ZNF624: variants seen among roughly 807,000 people sequenced by gnomAD.
ZNF624 encodes the protein zinc finger protein 624.
ZNF624 carries 43 observed loss-of-function variants against 74.7 expected under a neutral mutation model. The ratio of observed to expected loss-of-function variants is 0.58; its 90% CI spans 0.45 to 0.74. The LOEUF is 0.74. ZNF624 is among the 30% of genes least tolerant of loss of function. ZNF624 has a pLI of 0.00. For synonymous variants in ZNF624, 331 were observed against 341.3 expected (o/e 0.97, Z 0.33); for missense variants, 820 against 1,030.0 (o/e 0.80, Z 2.79).
intron 5 of ZNF624, among the ~76,000 whole-genome samples, chr17:16,628,231 C>G (rs1909120166): frequency 6.6e-6 from 1 of 152,050 alleles, no homozygotes; most frequent in African/African-American, 2.4e-5. Flanking sequence ...CCACTGCACT[C>G]CAGCCTGGGT....
chr17:16,618,442 C>A (rs768515192), downstream of ZNF624, among the ~76,000 whole-genome samples: 6 of 151,990 alleles, frequency 3.9e-5, no homozygotes, highest in Non-Finnish European at 7.4e-5. Context: ...CAGAATTAAT[C>A]TATGTATCTG....
chr17:16,626,698 G>C (rs1158625109), intron 5 of ZNF624, among the ~76,000 whole-genome samples: 1 of 152,190 alleles, frequency 6.6e-6, no homozygotes, highest in Admixed American at 6.5e-5. Flanking sequence ...GCTGCAGTGA[G>C]CTATGATTGC....
At chr17:16,638,460 C>A (rs1042802853) in intron 3 of ZNF624, among the ~76,000 whole-genome samples, 1 of 152,124 alleles carries the variant, frequency 6.6e-6, no homozygotes, top group African/African-American at 2.4e-5. Context: ...TTGGAACCAA[C>A]CCAAATGTCC....
downstream of ZNF624, among the ~76,000 whole-genome samples, chr17:16,615,976 T>TAC (rs1908785158): frequency 2.5e-5 from 2 of 81,182 alleles, no homozygotes; most frequent in Non-Finnish European, 4.8e-5. Context: ...TATATATATA[T>TAC]ATATATATAT....
In ZNF624 at chr17:16,622,834, G is replaced by A. The variant is rs776912818; in HGVS notation, c.2052C>T (p.Thr684=). The part of the protein sequence containing the change: ...EKAFTNTSQL[T]VHQRRHTGEK... The stretch of plus-strand genomic sequence containing the variant: ...CTCCAGTATGCCTTCGTTGGTGCAC[G>A]GTAAGCTGTGATGTATTAGTGAAGG... The change falls in exon 6 of 6, where the codon ACC becomes ACT. Residue 684 remains threonine (T), a synonymous_variant. Coordinates refer to ENST00000311331, the MANE Select transcript of ZNF624 (RefSeq NM_020787.4). 14 of 1,613,598 alleles carry A rather than the reference G, an allele frequency of 8.7e-6. No individual in the cohort carries two copies. Among genetic ancestry groups the A allele is most frequent in the East Asian group, 2.2e-5 (1 of 44,842 alleles).
At position 16,633,897 on chromosome 17, in the gene ZNF624, A is replaced by C. The variant is rs2142604369; in HGVS notation, c.341T>G (p.Val114Gly). 6.2e-7 allele frequency: 1 copy of C among 1,613,664 alleles called. No homozygotes were observed. Among genetic ancestry groups the C allele is most frequent in the Non-Finnish European group, 8.5e-7 (1 of 1,179,682 alleles). Residue 114 changes from valine to glycine, a missense_variant, in exon 5 of 6, where the codon GTG (valine) becomes GGG (glycine). Physicochemically the swap from Val to Gly is moderately radical, Grantham distance 109. Coordinates refer to ENST00000311331, the MANE Select transcript of ZNF624 (RefSeq NM_020787.4). ...AATTCTTGAAATTTCTCTCACCGTCACCCATGGTCCTTTCCCATTCTCCAA... is the reference window on the plus strand; with the variant it reads ...AATTCTTGAAATTTCTCTCACCGTCCCCCATGGTCCTTTCCCATTCTCCAA... Reference protein sequence around the residue: ...SHLENGKGPWVTVREISRIPY... With the variant: ...SHLENGKGPWGTVREISRIPY...
intron 3 of ZNF624, among the ~76,000 whole-genome samples, chr17:16,641,486 G>A (rs1597497065): frequency 6.6e-6 from 1 of 152,128 alleles, no homozygotes; most frequent in Admixed American, 6.5e-5. Flanking sequence ...GTTTCACCAT[G>A]TTGGCCAGGC....
rs537095953 is a variant in ZNF624, at chr17:16,637,446, G to A, written c.154-2690C>T. Among the ~76,000 whole-genome samples, 1,118 of 152,162 alleles carry A rather than the reference G, an allele frequency of 7.3e-3. 6 individuals carry two copies. Among genetic ancestry groups the A allele is most frequent in the Non-Finnish European group, 0.012 (813 of 67,974 alleles). On this transcript the variant is annotated intron_variant, in intron 3 of 5. Transcript: ENST00000311331. ...CCAAAAGAACAAAGCTGGAGGCATC[G>A]CGCTACCTGACTTCAAACTATACTA...
chr17:16,633,425 G>A (rs1293126532), intron 5 of ZNF624, among the ~76,000 whole-genome samples: 2 of 152,148 alleles, frequency 1.3e-5, no homozygotes, highest in Admixed American at 1.3e-4. Flanking sequence ...CCTTGCAGGT[G>A]AAGAAAACTA....
intron 5 of ZNF624, among the ~76,000 whole-genome samples, chr17:16,625,576 T>C (rs1053996269): frequency 1.3e-5 from 2 of 152,218 alleles, no homozygotes; most frequent in Non-Finnish European, 2.9e-5. Context: ...TCTTTGTACA[T>C]ACCTTTTAAT....
At chr17:16,646,605 G>A (rs1909598856) in intron 3 of ZNF624, among the ~76,000 whole-genome samples, 1 of 152,316 alleles carries the variant, frequency 6.6e-6, no homozygotes, top group Non-Finnish European at 1.5e-5. Context: ...GAATAAGACT[G>A]CAAAATTGGA....
intron 1 of ZNF624, among the ~76,000 whole-genome samples, chr17:16,650,543 G>T (rs797017853): frequency 7.2e-5 from 11 of 152,208 alleles, no homozygotes; most frequent in African/African-American, 2.4e-4. Flanking sequence ...GCAACAGGGT[G>T]GCAGAGATCT....
chr17:16,621,543 C>T lies in ZNF624; in HGVS notation c.*745G>A, dbSNP rs1297141437. The T allele has an allele frequency of 6.6e-6, 1 of 152,192 alleles. No homozygotes were observed. Among genetic ancestry groups the T allele is most frequent in the African/African-American group, 2.4e-5 (1 of 41,452 alleles). 9.4% of individuals were successfully genotyped at this position (152,192 alleles called of 1,614,324 possible). On this transcript the variant is annotated 3_prime_UTR_variant, in exon 6 of 6. Transcript: ENST00000311331. ...TACATGGTTTCCCAAACCCCAATAG[C>T]TAGCAAAAGATCTCTTAATTTTTGC...
chr17:16,631,674 G>A (rs1909211113), intron 5 of ZNF624: 1 of 152,374 alleles, frequency 6.6e-6, no homozygotes, highest in African/African-American at 2.4e-5. Context: ...AGTGAGCTAT[G>A]ATCACACCAC....
At chr17:16,617,663 C>T, downstream of ZNF624, 5 of 1,605,014 alleles carry the variant, frequency 3.1e-6, no homozygotes, top group Non-Finnish European at 4.3e-6. Context: ...GATTGCGACG[C>T]GGGCCCCGGG....
chr17:16,622,730 G>A lies in ZNF624; in HGVS notation c.2156C>T (p.Thr719Ile). The A allele has an allele frequency of 6.2e-7, 1 of 1,613,734 alleles. No individual in the cohort carries two copies. Among genetic ancestry groups the A allele is most frequent in the Non-Finnish European group, 8.5e-7 (1 of 1,179,970 alleles). Reference sequence around the variant, plus strand: ...ATTACATTTAAATGGTTTCTCTCCAGTATGTGTTCTTTGATGTGTATTAAA... The same window carrying A: ...ATTACATTTAAATGGTTTCTCTCCAATATGTGTTCTTTGATGTGTATTAAA... ...SGFNTHQRTHTGEKPFKCNDC... is the reference protein window; with the variant it reads ...SGFNTHQRTHIGEKPFKCNDC... Residue 719 changes from threonine (T) to isoleucine (I), a missense_variant, in exon 6 of 6, where the codon ACT (threonine) becomes ATT (isoleucine). Transcript: ENST00000311331.
chr17:16,633,938 T>C lies in ZNF624; in HGVS notation c.300A>G (p.Pro100=), dbSNP rs1160410153. 1.2e-6 allele frequency: 2 copies of C among 1,613,376 alleles called. No individual in the cohort carries two copies. The highest frequency in any genetic ancestry group is 1.7e-6 in the Non-Finnish European group (2 of 1,179,664). Residue 100 remains proline, a synonymous_variant, in exon 5 of 6, where the codon CCA becomes CCG. Transcript: ENST00000311331. The part of the protein sequence containing the change: ...LVSLGLAVSK[P]DMISHLENGK... Reference sequence around the variant, plus strand: ...CATTCTCCAAATGAGATATCATGTCTGGTTTGGAAACTGCAAGCCCTGTCC... The same window carrying C: ...CATTCTCCAAATGAGATATCATGTCCGGTTTGGAAACTGCAAGCCCTGTCC...
At chr17:16,629,197 CAAAAAA>C (rs34250278) in intron 5 of ZNF624, among the ~76,000 whole-genome samples, 4 of 59,476 alleles carry the variant, frequency 6.7e-5, no homozygotes, top group Non-Finnish European at 1.0e-4. Context: ...GACTCCATCT[CAAAAAA>C]AAAAAAAAAA....
intron 2 of ZNF624, among the ~76,000 whole-genome samples, chr17:16,649,198 T>C (rs1008253511): frequency 6.6e-6 from 1 of 152,224 alleles, no homozygotes; most frequent in East Asian, 1.9e-4. Context: ...CTATTAAATC[T>C]AATCACTTCT....
Sources: gnomAD v4.1 joint callset for allele counts (sites outside exome capture counted in the v4.1 genomes callset) on GRCh38, gnomAD v4.1.1 for gene constraint, MANE v1.5 for transcripts, NCBI Gene and HGNC (gene_info 2026-07-23, HGNC 2026-07-21) for gene names.